ANK2: variants seen among roughly 807,000 people sequenced by gnomAD.
ANK2 encodes the protein ankyrin 2, also known as ankyrin-2.
Under a neutral mutation model 360.5 loss-of-function variants are expected in ANK2, and 83 were observed. The ratio of observed to expected loss-of-function variants is 0.23; its 90% CI spans 0.19 to 0.28. ANK2 has a LOEUF of 0.28. Among genes scored for constraint, ANK2 ranks in the 10% least tolerant of loss-of-function variants. ANK2 has a pLI of 1.00. For missense variants in ANK2, 4,201 were observed against 4,795.7 expected, an observed-to-expected ratio of 0.88 and a Z score of 3.66; for synonymous variants, 1,740 against 1,759.5, an observed-to-expected ratio of 0.99 and a Z score of 0.28.
chr4:112,817,274 T>C (rs1198061065), upstream of ANK2, among the ~76,000 whole-genome samples: 1 of 152,214 alleles, frequency 6.6e-6, no homozygotes, highest in African/African-American at 2.4e-5. Context: ...ATAAGGCTCT[T>C]ACTTCCTTGT....
intron 1 of ANK2, among the ~76,000 whole-genome samples, chr4:113,094,585 T>C (rs1562013567): frequency 1.3e-5 from 2 of 152,124 alleles, no homozygotes; most frequent in Non-Finnish European, 2.9e-5. Flanking sequence ...AGCTGCAGTG[T>C]ATTACAGTTA....
In ANK2 at chr4:113,367,721, A is replaced by G. The variant is rs2096587836; in HGVS notation, c.11188A>G (p.Lys3730Glu). ...TTCCACTTTTCAGGATGGCGTCCCC[A>G]AAACTGAGGGGGACAGCTCAGCAAC... Reference protein sequence around the residue: ...GYSTFQDGVPKTEGDSSATAL... With the variant: ...GYSTFQDGVPETEGDSSATAL... Residue 3730 changes from lysine to glutamate, a missense_variant, in exon 42 of 46, where the codon AAA (lysine) becomes GAA (glutamate). Coordinates refer to ENST00000357077, the MANE Select transcript of ANK2 (RefSeq NM_001148.6). 6.2e-7 allele frequency: 1 copy of G among 1,613,870 alleles called. No individual in the cohort carries two copies. Among genetic ancestry groups the G allele is most frequent in the African/African-American group, 1.3e-5 (1 of 74,946 alleles).
chr4:113,068,271 T>C (rs35784458), intron 1 of ANK2, among the ~76,000 whole-genome samples: 20,458 of 152,214 alleles, frequency 0.13, 1,852 homozygotes, highest in African/African-American at 0.25. Flanking sequence ...CAATTAGTTT[T>C]GTCTAAACTT....
chr4:112,739,634 G>A, the ANK2 span, among the ~76,000 whole-genome samples: 1 of 152,068 alleles, frequency 6.6e-6, no homozygotes, highest in South Asian at 2.1e-4. Flanking sequence ...AGAGATCTCT[G>A]CCCACACATG....
the ANK2 span, among the ~76,000 whole-genome samples, chr4:112,730,738 C>G: frequency 4.0e-3 from 601 of 151,052 alleles, 4 homozygotes; most frequent in African/African-American, 0.014. Context: ...ATAGGCTGGG[C>G]ACAGTGGCTC....
intron 1 of ANK2, among the ~76,000 whole-genome samples, chr4:113,062,827 C>G (rs1055771691): frequency 5.9e-5 from 9 of 151,984 alleles, no homozygotes; most frequent in Admixed American, 2.6e-4. Flanking sequence ...ACTATTTGTC[C>G]AATAGGCTAT....
In ANK2 at chr4:112,990,226, G is replaced by A. The variant is rs2046297469; in HGVS notation, c.21+85712G>A. 2.6e-5 allele frequency among the ~76,000 whole-genome samples: 4 copies of A among 152,236 alleles called. No individual in the cohort carries two copies. The South Asian group carries it at 8.3e-4, about 32-fold the overall frequency. On this transcript the variant is annotated intron_variant, in intron 2 of 30. Transcript: ENST00000503271. The stretch of plus-strand genomic sequence containing the variant: ...TGAGGCTCTAGTGAGCCATGATTGT[G>A]CCACTGAACTCCAGCCTGGGTGACA...
At chr4:112,996,893 C>T (rs945433124) in intron 2 of ANK2, among the ~76,000 whole-genome samples, 4 of 152,136 alleles carry the variant, frequency 2.6e-5, no homozygotes, top group East Asian at 3.9e-4. Flanking sequence ...TCCCCGATCC[C>T]CAGCCCCCTA....
At chr4:112,937,372 G>T (rs796663393) in intron 2 of ANK2, among the ~76,000 whole-genome samples, 3 of 151,052 alleles carry the variant, frequency 2.0e-5, no homozygotes, top group African/African-American at 7.3e-5. Flanking sequence ...TCTCCACCAG[G>T]CTGGAGTACA....
chr4:112,897,497 G>A (rs1323232338), intron 1 of ANK2, among the ~76,000 whole-genome samples: 1 of 152,134 alleles, frequency 6.6e-6, no homozygotes, highest in Non-Finnish European at 1.5e-5. Flanking sequence ...TTTCATAAGA[G>A]TGGTAAGAGG....
intron 1 of ANK2, among the ~76,000 whole-genome samples, chr4:112,896,858 T>G (rs1176402127): frequency 6.6e-6 from 1 of 152,142 alleles, no homozygotes; most frequent in Admixed American, 6.6e-5. Context: ...GCCACCACCC[T>G]CATAGTGAAG....
intron 2 of ANK2, among the ~76,000 whole-genome samples, chr4:112,919,825 T>C (rs997315317): frequency 1.1e-4 from 17 of 152,088 alleles, no homozygotes; most frequent in Non-Finnish European, 1.5e-4. Flanking sequence ...TTAATGAAAA[T>C]GGAACATCTT....
intron 4 of ANK2, among the ~76,000 whole-genome samples, chr4:113,221,600 A>AGTGAGCC (rs2099152612): frequency 1.3e-5 from 2 of 151,918 alleles, no homozygotes; most frequent in African/African-American, 4.8e-5. Flanking sequence ...CGGAGGTTCC[A>AGTGAGCC]GTGAGCCGAG....
intron 14 of ANK2, among the ~76,000 whole-genome samples, chr4:113,269,461 A>G (rs1056329865): frequency 1.3e-5 from 2 of 152,254 alleles, no homozygotes; most frequent in South Asian, 2.1e-4. Context: ...GGAAATGCGT[A>G]GTATCTGGGC....
chr4:113,085,939 A>G (rs1172325182), intron 1 of ANK2, among the ~76,000 whole-genome samples: 4 of 152,196 alleles, frequency 2.6e-5, no homozygotes, highest in African/African-American at 7.2e-5. Flanking sequence ...AGGAGGGAAA[A>G]GGAAAAGATG....
chr4:113,099,933 G>T (rs967747823), intron 1 of ANK2, among the ~76,000 whole-genome samples: 2 of 152,026 alleles, frequency 1.3e-5, no homozygotes, highest in African/African-American at 4.8e-5. Flanking sequence ...GACAAAAAGT[G>T]AATCTAGTGG....
Position 113,303,798 on chromosome 4 carries a change from A to T in ANK2, c.2548+959A>T, listed in dbSNP as rs143342150. The stretch of plus-strand genomic sequence containing the variant: ...AACATGATTGAAAAATTACCACCAT[A>T]TATGTACATGAAAATGTATGTTTGA... On this transcript the variant is annotated intron_variant, in intron 23 of 45. Transcript: ENST00000357077. 4.5e-3 allele frequency among the ~76,000 whole-genome samples: 693 copies of T among 152,340 alleles called. 5 individuals are homozygous for T. The highest frequency in any genetic ancestry group is 7.4e-3 in the Non-Finnish European group (504 of 68,032).
chr4:113,187,296 A>G (rs535285235), intron 2 of ANK2, among the ~76,000 whole-genome samples: 76 of 152,344 alleles, frequency 5.0e-4, no homozygotes, highest in African/African-American at 1.8e-3. Context: ...GGAGGGAAGC[A>G]GGCAGAGAAA....
At chr4:113,143,746 C>A (rs890422595) in intron 1 of ANK2, among the ~76,000 whole-genome samples, 2 of 151,990 alleles carry the variant, frequency 1.3e-5, no homozygotes, top group Non-Finnish European at 2.9e-5. Context: ...GTTCTAAGAA[C>A]CTTATAGAAG....
Sources: gnomAD v4.1 joint callset for allele counts (sites outside exome capture counted in the v4.1 genomes callset) on GRCh38, gnomAD v4.1.1 for gene constraint, MANE v1.5 for transcripts, NCBI Gene and HGNC (gene_info 2026-07-23, HGNC 2026-07-21) for gene names.